Variants in KIF26B observed in about 807,000 individuals in gnomAD.
KIF26B encodes kinesin family member 26B, also known as kinesin-like protein KIF26B.
KIF26B carries 63 observed loss-of-function variants against 151.2 expected under a neutral mutation model. The observed-to-expected ratio is 0.42, with a 90% CI of 0.34 to 0.51. The LOEUF (loss-of-function observed/expected upper bound fraction) is 0.51, where lower values mean the gene tolerates loss of function less well. Among genes scored for constraint, KIF26B ranks in the 20% least tolerant of loss-of-function variants. KIF26B has a pLI of 0.07. For missense variants in KIF26B, 2,813 were observed against 2,913.6 expected, an observed-to-expected ratio of 0.97 and a Z score of 0.79; for synonymous variants, 1,357 against 1,262.1, an observed-to-expected ratio of 1.08 and a Z score of -1.59.
chr1:245,590,225 G>A (rs554346659), intron 5 of KIF26B, among the ~76,000 whole-genome samples: 5 of 151,486 alleles, frequency 3.3e-5, no homozygotes, highest in African/African-American at 9.7e-5. Context: ...AGCAGGGGTC[G>A]GGGCCCCTGG....
rs1020630623 is a variant in KIF26B at position 245,244,177 on chromosome 1, G to A, written c.465+87494G>A. The stretch of plus-strand genomic sequence containing the variant: ...TTGCTATGTTACCCAGGCTGATCTC[G>A]AACTCCTGGCCTCAAGCAATCTTTC... On this transcript the variant is annotated intron_variant, in intron 2 of 14. Coordinates refer to ENST00000407071, the MANE Select transcript of KIF26B (RefSeq NM_018012.4). This position sits in a 1 kb window ranked among gnomAD's most constrained non-coding sequence, Gnocchi z 4.2. 2.0e-5 allele frequency among the ~76,000 whole-genome samples: 3 copies of A among 151,980 alleles called. No individual in the cohort carries two copies. Among genetic ancestry groups the A allele is most frequent in the South Asian group, 2.1e-4 (1 of 4,814 alleles).
chr1:245,168,424 G>C (rs1668650917), intron 2 of KIF26B, among the ~76,000 whole-genome samples: 1 of 152,178 alleles, frequency 6.6e-6, no homozygotes, highest in African/African-American at 2.4e-5. Context: ...TTGTTTTACT[G>C]TCTAATGTGT....
chr1:245,383,306 T>C (rs1284641477), intron 3 of KIF26B, among the ~76,000 whole-genome samples: 2 of 152,100 alleles, frequency 1.3e-5, no homozygotes, highest in African/African-American at 4.8e-5. Flanking sequence ...TTGGTGAATT[T>C]AGAAAACCGA....
At chr1:245,648,939 G>A (rs2043982678) in intron 10 of KIF26B, among the ~76,000 whole-genome samples, 1 of 152,188 alleles carries the variant, frequency 6.6e-6, no homozygotes, top group African/African-American at 2.4e-5. Context: ...GATGGCGTGG[G>A]TACAGACTCA....
intron 2 of KIF26B, among the ~76,000 whole-genome samples, chr1:245,221,560 C>G (rs558117970): frequency 6.6e-6 from 1 of 151,046 alleles, no homozygotes; most frequent in Non-Finnish European, 1.5e-5. Context: ...GCCCCTACCA[C>G]CACGTCCGGC....
chr1:245,662,434 C>T (rs1430354009), intron 10 of KIF26B, among the ~76,000 whole-genome samples: 23 of 51,878 alleles, frequency 4.4e-4, no homozygotes, highest in East Asian at 7.5e-4. Context: ...TACACATACC[C>T]GATATATATA....
At chr1:245,541,149 G>T (rs899469453) in intron 5 of KIF26B, among the ~76,000 whole-genome samples, 199 bp downstream of exon 5, 2 of 152,222 alleles carry the variant, frequency 1.3e-5, no homozygotes, top group Non-Finnish European at 2.9e-5. Flanking sequence ...CCTTCAGATT[G>T]TAAGAGATCT....
At chr1:245,470,399 A>G (rs1382914562) in intron 4 of KIF26B, among the ~76,000 whole-genome samples, 1 of 151,980 alleles carries the variant, frequency 6.6e-6, no homozygotes, top group Non-Finnish European at 1.5e-5. Flanking sequence ...ACTGCTTGGA[A>G]AAACCATTTT....
chr1:245,617,060 C>G (rs1261241261), intron 9 of KIF26B, among the ~76,000 whole-genome samples: 1 of 151,942 alleles, frequency 6.6e-6, no homozygotes, highest in Non-Finnish European at 1.5e-5. Context: ...GTCTACACAT[C>G]TCATCAGACT....
chr1:245,688,429 G>A lies in KIF26B; in HGVS notation c.5446G>A (p.Ala1816Thr), dbSNP rs1490142235. Residue 1816 changes from alanine to threonine, a missense_variant, in exon 12 of 15, where the codon GCG becomes ACG. Coordinates refer to ENST00000407071, the MANE Select transcript of KIF26B (RefSeq NM_018012.4). ...GRISELLQGGAGARGLQLRAG... is the reference protein window; with the variant it reads ...GRISELLQGGTGARGLQLRAG... ...CATCTCGGAGCTGCTGCAGGGTGGC[G>A]CGGGCGCCCGGGGCTTGCAGCTGCG... is the stretch of plus-strand genomic sequence containing the variant. 3 of 1,415,356 alleles carry A rather than the reference G, an allele frequency of 2.1e-6. No homozygotes were observed. The highest frequency in any genetic ancestry group is 1.5e-5 in the African/African-American group (1 of 66,772). The allele number at this position is 1,415,356 out of a possible 1,614,324, so 87.7% of individuals were successfully genotyped here. A position where few individuals can be genotyped will look rare whatever the true frequency, so the allele number is the denominator to read the frequency against.
chr1:245,548,451 G>A (rs1472215564), intron 5 of KIF26B, among the ~76,000 whole-genome samples: 2 of 152,162 alleles, frequency 1.3e-5, no homozygotes, highest in East Asian at 1.9e-4. Flanking sequence ...CCCAGGGTGC[G>A]AGTTGTCCCA....
At chr1:245,580,093 A>G (rs1470267607) in intron 5 of KIF26B, among the ~76,000 whole-genome samples, 1 of 152,160 alleles carries the variant, frequency 6.6e-6, no homozygotes, top group Non-Finnish European at 1.5e-5. Flanking sequence ...GTCAGCTGTC[A>G]TTACCATAAT....
rs12731901 is a variant in KIF26B at position 245,543,809 on chromosome 1, T to A, written c.1350+2859T>A. Among the ~76,000 whole-genome samples, 60 of 151,992 alleles carry A rather than the reference T, an allele frequency of 3.9e-4. No individual in the cohort carries two copies. The East Asian group carries it at 0.011, about 28-fold the overall frequency. ...CTAAAAATACAAAAATTAGCCAAGC[T>A]TGGCGGCACGTACCTGTAATCCCAG... is the stretch of plus-strand genomic sequence containing the variant. On this transcript the variant is annotated intron_variant, in intron 5 of 14. Transcript: ENST00000407071.
intron 9 of KIF26B, among the ~76,000 whole-genome samples, chr1:245,630,805 C>T (rs1274562398): frequency 6.6e-6 from 1 of 152,024 alleles, no homozygotes; most frequent in Non-Finnish European, 1.5e-5. Context: ...GATGTCTTTT[C>T]ATTTTTTTCT....
chr1:245,372,040 C>A (rs1673141494), intron 3 of KIF26B, among the ~76,000 whole-genome samples: 1 of 151,926 alleles, frequency 6.6e-6, no homozygotes, highest in Admixed American at 6.6e-5. Flanking sequence ...GGTCCCCAGA[C>A]CCCAGGCCAC....
Position 245,516,322 on chromosome 1 carries a change from G to A in KIF26B, c.1167-24445G>A, listed in dbSNP as rs769732530. Reference sequence around the variant, plus strand: ...ATTTGCAGAACGGCAACAACAAAACGTGTAACAGGAATTGTCCGTTCCCAT... The same window carrying A: ...ATTTGCAGAACGGCAACAACAAAACATGTAACAGGAATTGTCCGTTCCCAT... On this transcript the variant is annotated intron_variant, in intron 4 of 14. Coordinates refer to ENST00000407071, the MANE Select transcript of KIF26B (RefSeq NM_018012.4). This position sits in a 1 kb window ranked among gnomAD's most constrained non-coding sequence, Gnocchi z 4.2. 6.6e-6 allele frequency among the ~76,000 whole-genome samples: 1 copy of A among 152,184 alleles called. No homozygotes were observed. The highest frequency in any genetic ancestry group is 1.9e-4 in the East Asian group (1 of 5,180).
At chr1:245,522,130 A>C (rs1018269539) in intron 4 of KIF26B, among the ~76,000 whole-genome samples, 3 of 152,048 alleles carry the variant, frequency 2.0e-5, no homozygotes, top group Non-Finnish European at 4.4e-5. Context: ...TGGCCTCCCA[A>C]AGTGCTGGGA....
chr1:245,299,532 A>G (rs1229859312), intron 2 of KIF26B, among the ~76,000 whole-genome samples: 1 of 152,204 alleles, frequency 6.6e-6, no homozygotes, highest in African/African-American at 2.4e-5. Flanking sequence ...AGTAGTTTGC[A>G]AAATGTTTTA....
chr1:245,578,095 C>T (rs772958435), intron 5 of KIF26B, among the ~76,000 whole-genome samples: 5 of 152,232 alleles, frequency 3.3e-5, no homozygotes, highest in Admixed American at 6.5e-5. Flanking sequence ...TCCCTGTCTA[C>T]GAATAGAACT....
Sources: allele counts gnomAD v4.1 joint callset (sites outside exome capture counted in the v4.1 genomes callset), GRCh38; gene constraint gnomAD v4.1.1; non-coding constraint Gnocchi (gnomAD v3.1); transcripts MANE v1.5; gene names NCBI Gene and HGNC (gene_info 2026-07-23, HGNC 2026-07-21).